Variants in RNF41 observed in about 807,000 individuals in gnomAD.
RNF41 encodes ring finger protein 41.
RNF41 carries 4 observed loss-of-function variants against 33.0 expected under a neutral mutation model. The ratio of observed to expected loss-of-function variants is 0.12; its 90% confidence interval spans 0.06 to 0.28. The LOEUF (loss-of-function observed/expected upper bound fraction) is 0.28, where lower values mean the gene tolerates loss of function less well. Ranked by LOEUF, RNF41 falls within the 10% of genes least tolerant of loss-of-function variation. The pLI is 1.00. For missense variants in RNF41, 228 were observed against 432.6 expected (o/e 0.53, Z 4.19); for synonymous variants, 164 against 153.2 (o/e 1.07, Z -0.52).
chr12:56,213,042 C>T lies in RNF41; in HGVS notation c.90+916G>A, dbSNP rs545930565. ...TCATACTTGCCCCAGGATGATACAA[C>T]TGACTCTGGTCTGGCAAGGCTGGCA... is the stretch of plus-strand genomic sequence containing the variant. On this transcript the variant is annotated intron_variant, in intron 3 of 6. Transcript: ENST00000345093. 115 of 1,289,784 alleles carry T rather than the reference C, an allele frequency of 8.9e-5. 3 individuals are homozygous for T. In the South Asian group the frequency reaches 1.3e-3, roughly 15 times the overall value. The allele number at this position is 1,289,784 out of a possible 1,614,324, so 79.9% of individuals were successfully genotyped here. A position where few individuals can be genotyped will look rare whatever the true frequency, so the allele number is the denominator to read the frequency against.
At chr12:56,211,720 C>A (rs1431377183) in intron 3 of RNF41, among the ~76,000 whole-genome samples, 1 of 152,146 alleles carries the variant, frequency 6.6e-6, no homozygotes, top group Non-Finnish European at 1.5e-5. Flanking sequence ...CGCCTGTAAT[C>A]CCAGCACTTT....
At chr12:56,207,520 T>C in intron 6 of RNF41, 126 bp downstream of exon 6, 3 of 815,670 alleles carry the variant, frequency 3.7e-6, no homozygotes, top group Non-Finnish European at 6.4e-6. Context: ...TTAATGCCAA[T>C]ATCTGAGAAG....
chr12:56,204,797 C>T lies in RNF41; in HGVS notation c.*1650G>A, dbSNP rs187873368. 6.5e-6 allele frequency: 1 copy of T among 152,828 alleles called. No homozygotes were observed. The highest frequency in any genetic ancestry group is 2.4e-5 in the African/African-American group (1 of 41,574). The allele number at this position is 152,828 out of a possible 1,614,324, so 9.5% of individuals were successfully genotyped here. A position where few individuals can be genotyped will look rare whatever the true frequency, so the allele number is the denominator to read the frequency against. The stretch of plus-strand genomic sequence containing the variant: ...CTCCCCTCAAGCTTTCCACCCCAAT[C>T]CCAGTGGAGCCATGATCCAACTACC... On this transcript the variant is annotated 3_prime_UTR_variant, in exon 7 of 7. Coordinates refer to ENST00000345093, the MANE Select transcript of RNF41 (RefSeq NM_005785.4).
intron 6 of RNF41, chr12:56,207,052 A>G (rs1260947560): frequency 7.8e-7 from 1 of 1,276,980 alleles, no homozygotes; most frequent in Admixed American, 3.0e-5. Flanking sequence ...TCCAATACTT[A>G]GCACATATAG....
At chr12:56,213,139 C>T (rs908975177) in intron 3 of RNF41, 1 of 1,286,878 alleles carries the variant, frequency 7.8e-7, no homozygotes, top group Non-Finnish European at 1.0e-6. Context: ...AAAAGCTGGT[C>T]TTTTCAGTAG....
rs140109798 is a variant in RNF41 at position 56,206,643 on chromosome 12, C to T, written c.758G>A (p.Arg253His). The T allele has an allele frequency of 1.4e-5, 22 of 1,614,122 alleles. No individual in the cohort carries two copies. Among genetic ancestry groups the T allele is most frequent in the African/African-American group, 5.3e-5 (4 of 75,014 alleles). Residue 253 changes from arginine (R) to histidine (H), a missense_variant, in exon 7 of 7, where the codon CGT becomes CAT. Arg to His is a conservative substitution (Grantham distance 29). Coordinates refer to ENST00000345093, the MANE Select transcript of RNF41 (RefSeq NM_005785.4). The surrounding 1 kb of genome is among the most constrained non-coding windows in gnomAD (Gnocchi z 5.7). ...TGTGGCCAGACCCTGGGGCCAGCTA[C>T]GCTCGTGGGCATTTTCAATCAGCTC... Reference protein sequence around the residue: ...VNELIENAHERSWPQGLATLE... With the variant: ...VNELIENAHEHSWPQGLATLE...
At chr12:56,207,571 T>TA in intron 6 of RNF41, 75 bp downstream of exon 6, 1 of 1,143,714 alleles carries the variant, frequency 8.7e-7, no homozygotes, top group Non-Finnish European at 1.3e-6. Context: ...CTCCTTCTGC[T>TA]ACTCTCCTGC....
At chr12:56,219,261 G>A (rs1049197242) in intron 1 of RNF41, among the ~76,000 whole-genome samples, 4 of 150,150 alleles carry the variant, frequency 2.7e-5, no homozygotes, top group African/African-American at 9.8e-5. Context: ...ATGCGATCTC[G>A]GCTCACTACA....
At position 56,203,410 on chromosome 12, in the gene RNF41, T is replaced by A. The variant is rs1409060521; in HGVS notation, c.*3037A>T. 6.6e-6 allele frequency: 1 copy of A among 151,504 alleles called. No homozygotes were observed. 9.4% of individuals were successfully genotyped at this position (151,504 alleles called of 1,614,324 possible). ...TACTTATGAAGACTGGTTTTTTTTTTTTTTTTTTTGAGACGGAGTCTTGCT... is the reference window on the plus strand; with the variant it reads ...TACTTATGAAGACTGGTTTTTTTTTATTTTTTTTTGAGACGGAGTCTTGCT... On this transcript the variant is annotated 3_prime_UTR_variant, in exon 7 of 7. Coordinates refer to ENST00000345093, the MANE Select transcript of RNF41 (RefSeq NM_005785.4).
intron 1 of RNF41, among the ~76,000 whole-genome samples, chr12:56,220,018 A>AAAATAAATAAAT (rs60851148): frequency 1.2e-3 from 174 of 139,378 alleles, no homozygotes; most frequent in Middle Eastern, 3.5e-3. Context: ...CCCTGTCTCA[A>AAAATAAATAAAT]AAATAAATAA....
chr12:56,206,620 T>C lies in RNF41; in HGVS notation c.781A>G (p.Thr261Ala). 1 of 1,614,178 alleles carries C rather than the reference T, an allele frequency of 6.2e-7. No homozygotes were observed. The change falls in exon 7 of 7, where the codon ACA becomes GCA. Residue 261 changes from threonine to alanine, a missense_variant. By Grantham distance (58) the Thr-to-Ala change is moderately conservative. Around this residue, in one of 2 missense-constraint regions of RNF41, gnomAD observed 199 missense variants for 334.6 expected, o/e 0.59. Coordinates refer to ENST00000345093, the MANE Select transcript of RNF41 (RefSeq NM_005785.4). This position sits in a 1 kb window ranked among gnomAD's most constrained non-coding sequence, Gnocchi z 5.7. ...CGGTTCATCTGTCTAGTCTCTAGTG[T>C]GGCCAGACCCTGGGGCCAGCTACGC... is the stretch of plus-strand genomic sequence containing the variant. ...HERSWPQGLA[T>A]LETRQMNRRY...
rs1432759275 is a variant in RNF41, at chr12:56,204,675, AG to A, written c.*1771del. The A allele has an allele frequency of 6.5e-6, 1 of 152,688 alleles. No individual in the cohort carries two copies. The highest frequency in any genetic ancestry group is 6.6e-5 in the Admixed American group (1 of 15,258). The allele number at this position is 152,688 out of a possible 1,614,324, so 9.5% of individuals were successfully genotyped here. A position where few individuals can be genotyped will look rare whatever the true frequency, so the allele number is the denominator to read the frequency against. On this transcript the variant is annotated 3_prime_UTR_variant, in exon 7 of 7. Transcript: ENST00000345093. ...GGACAGTATGAGCCTTGGTTAAGGC[AG>A]GTAGGGGAAAGGGGAGTGGAAGAAA...
intron 3 of RNF41, 77 bp downstream of exon 3, chr12:56,213,881 C>A: frequency 1.1e-6 from 1 of 925,578 alleles, no homozygotes. Context: ...CACCATGGGT[C>A]CCGCTGCCCA....
intron 1 of RNF41, among the ~76,000 whole-genome samples, chr12:56,219,154 T>G (rs1869138608): frequency 6.6e-6 from 1 of 151,608 alleles, no homozygotes. Context: ...CACAGGCATG[T>G]GTCACCATGC....
rs889278936 is a variant in RNF41 at position 56,205,573 on chromosome 12, G to C, written c.*874C>G. On this transcript the variant is annotated 3_prime_UTR_variant, in exon 7 of 7. Coordinates refer to ENST00000345093, the MANE Select transcript of RNF41 (RefSeq NM_005785.4). ...CAGGCCATTCTTAAAAAAAAGAGGGGGGGGGGCAGTAGGTGGAGTTTGTGA... is the reference window on the plus strand; with the variant it reads ...CAGGCCATTCTTAAAAAAAAGAGGGCGGGGGGCAGTAGGTGGAGTTTGTGA... The C allele has an allele frequency of 6.0e-5, 9 of 150,778 alleles. No individual in the cohort carries two copies. Among genetic ancestry groups the C allele is most frequent in the East Asian group, 1.9e-4 (1 of 5,144 alleles). 9.3% of individuals were successfully genotyped at this position (150,778 alleles called of 1,614,324 possible).
rs1399156975 is a variant in RNF41 at position 56,210,669 on chromosome 12, C to T, written c.91-101G>A. 10 of 1,214,764 alleles carry T rather than the reference C, an allele frequency of 8.2e-6. No individual in the cohort carries two copies. The Admixed American group carries it at 2.0e-4, about 25-fold the overall frequency. The allele number at this position is 1,214,764 out of a possible 1,614,324, so 75.2% of individuals were successfully genotyped here. On this transcript the variant is annotated intron_variant, in intron 3 of 6. Coordinates refer to ENST00000345093, the MANE Select transcript of RNF41 (RefSeq NM_005785.4). ...CAAAGCCAATCAAGCCTTTGAGCAG[C>T]CTCTACGACAAGAGGTCCACTGGGT...
intron 1 of RNF41, among the ~76,000 whole-genome samples, chr12:56,217,046 A>G (rs1868952608): frequency 6.6e-6 from 1 of 151,820 alleles, no homozygotes; most frequent in Admixed American, 6.6e-5. Context: ...AGGCTGAGGC[A>G]GGAGAATGGC....
rs183343559 is a variant in RNF41 at position 56,217,505 on chromosome 12, G to A, written c.-208-892C>T. ...GGAGGTTGCAGTGAGCCAAGATCGC[G>A]CCACTGCACTCCAGCCTAGGCGACA... On this transcript the variant is annotated intron_variant, in intron 1 of 6. Coordinates refer to ENST00000345093, the MANE Select transcript of RNF41 (RefSeq NM_005785.4). Among the ~76,000 whole-genome samples the A allele has an allele frequency of 1.1e-4, 16 of 152,048 alleles. No homozygotes were observed. In the East Asian group the frequency reaches 1.9e-3, roughly 18 times the overall value.
chr12:56,215,828 C>A (rs1868847100), intron 2 of RNF41, among the ~76,000 whole-genome samples: 1 of 151,634 alleles, frequency 6.6e-6, no homozygotes, highest in Admixed American at 6.6e-5. Flanking sequence ...AAGAAGAGGT[C>A]AGTAAACAAC....
Sources: allele counts gnomAD v4.1 joint callset (sites outside exome capture counted in the v4.1 genomes callset), GRCh38; gene constraint gnomAD v4.1.1; regional missense constraint gnomAD v4.1.1; non-coding constraint Gnocchi (gnomAD v3.1); transcripts MANE v1.5; gene names NCBI Gene and HGNC (gene_info 2026-07-23, HGNC 2026-07-21).